GALNTL6: variants seen among roughly 807,000 people sequenced by gnomAD.
GALNTL6 encodes polypeptide N-acetylgalactosaminyltransferase like 6, also known as polypeptide N-acetylgalactosaminyltransferase-like 6.
In GALNTL6, 46 loss-of-function variants were observed where a neutral mutation model predicts 73.7. The observed-to-expected ratio is 0.62, with a 90% confidence interval of 0.49 to 0.80. The LOEUF (loss-of-function observed/expected upper bound fraction) is 0.80, where lower values mean the gene tolerates loss of function less well. GALNTL6 is among the 30% of genes least tolerant of loss of function. GALNTL6 has a pLI of 0.00. For missense variants in GALNTL6, 604 were observed against 755.0 expected, an observed-to-expected ratio of 0.80 and a Z score of 2.34; for synonymous variants, 259 against 263.7, an observed-to-expected ratio of 0.98 and a Z score of 0.17.
chr4:172,838,090 G>A (rs1743009463), intron 7 of GALNTL6, among the ~76,000 whole-genome samples: 1 of 151,902 alleles, frequency 6.6e-6, no homozygotes, highest in Admixed American at 6.6e-5. Context: ...GCACAGCATG[G>A]AAACATGATT....
intron 3 of GALNTL6, among the ~76,000 whole-genome samples, chr4:172,277,640 A>G (rs1348581053): frequency 1.3e-5 from 2 of 152,142 alleles, no homozygotes; most frequent in African/African-American, 4.8e-5. Flanking sequence ...CTCTTTGCAT[A>G]ATTTTCCACA....
At chr4:172,961,576 G>A (rs1408650280) in intron 10 of GALNTL6, among the ~76,000 whole-genome samples, 7 of 152,300 alleles carry the variant, frequency 4.6e-5, no homozygotes, top group East Asian at 3.9e-4. Flanking sequence ...GTCCGTGACC[G>A]GCACCAGAGT....
At chr4:171,955,488 T>A (rs976063067) in intron 2 of GALNTL6, among the ~76,000 whole-genome samples, 1 of 152,034 alleles carries the variant, frequency 6.6e-6, no homozygotes, top group African/African-American at 2.4e-5. Flanking sequence ...AATCTAAGGA[T>A]GCTGAAGTTC....
At chr4:172,977,752 G>A (rs999156315) in intron 10 of GALNTL6, among the ~76,000 whole-genome samples, 1 of 152,122 alleles carries the variant, frequency 6.6e-6, no homozygotes, top group African/African-American at 2.4e-5. Flanking sequence ...TGTTCTGGGT[G>A]GTCCTCTGGG....
rs148299883 is a variant in GALNTL6, at chr4:172,193,875, A to G, written c.139-35781A>G. ...AACTCCATCTCAAAAAAAGAAAAGA[A>G]AAGAGAAATAATCAACAAAAAAATG... is the stretch of plus-strand genomic sequence containing the variant. On this transcript the variant is annotated intron_variant, in intron 2 of 12. Transcript: ENST00000506823. Among the ~76,000 whole-genome samples the G allele has an allele frequency of 2.2e-3, 329 of 152,204 alleles. 3 individuals carry two copies. The highest frequency in any genetic ancestry group is 5.1e-4 in the Non-Finnish European group (35 of 67,986).
chr4:172,634,866 C>T (rs1739590559), intron 5 of GALNTL6, among the ~76,000 whole-genome samples: 1 of 151,970 alleles, frequency 6.6e-6, no homozygotes, highest in South Asian at 2.1e-4. Flanking sequence ...TAATACAATG[C>T]AATAACAGAG....
chr4:172,500,757 C>T (rs183385016), intron 5 of GALNTL6, among the ~76,000 whole-genome samples: 93 of 151,620 alleles, frequency 6.1e-4, no homozygotes, highest in African/African-American at 1.9e-3. Context: ...GAAAAAAGTA[C>T]ATCTGCATGA....
intron 2 of GALNTL6, among the ~76,000 whole-genome samples, chr4:172,105,470 T>A (rs1468430729): frequency 6.6e-6 from 1 of 151,622 alleles, no homozygotes; most frequent in Admixed American, 6.6e-5. Context: ...TTATAGAAAC[T>A]GATACGCTCT....
intron 2 of GALNTL6, among the ~76,000 whole-genome samples, chr4:172,031,428 T>G (rs2110821061): frequency 6.6e-6 from 1 of 152,198 alleles, no homozygotes; most frequent in Admixed American, 6.6e-5. Context: ...CTTAAAAAAT[T>G]TATTGTCAAT....
intron 7 of GALNTL6, among the ~76,000 whole-genome samples, chr4:172,821,697 A>T (rs1741938837): frequency 6.6e-6 from 1 of 151,770 alleles, no homozygotes; most frequent in Admixed American, 6.6e-5. Flanking sequence ...CAAACTTTTA[A>T]ATGGTGTCCT....
intron 5 of GALNTL6, among the ~76,000 whole-genome samples, chr4:172,440,011 G>A (rs1229345399): frequency 6.6e-6 from 1 of 152,030 alleles, no homozygotes; most frequent in Non-Finnish European, 1.5e-5. Context: ...CCAAATGCTG[G>A]TAAGGATGTG....
intron 7 of GALNTL6, among the ~76,000 whole-genome samples, chr4:172,880,017 G>A (rs933838681): frequency 2.6e-5 from 4 of 152,042 alleles, no homozygotes; most frequent in African/African-American, 9.7e-5. Flanking sequence ...ACAAGTGTTG[G>A]TGAGGACATG....
chr4:173,040,140 A>G lies in GALNTL6; in HGVS notation c.*40A>G. The G allele has an allele frequency of 6.7e-7, 1 of 1,488,256 alleles. No homozygotes were observed. Among genetic ancestry groups the G allele is most frequent in the Non-Finnish European group, 9.2e-7 (1 of 1,087,232 alleles). 92.2% of individuals were successfully genotyped at this position (1,488,256 alleles called of 1,614,324 possible). On this transcript the variant is annotated 3_prime_UTR_variant, in exon 13 of 13. Coordinates refer to ENST00000506823, the MANE Select transcript of GALNTL6 (RefSeq NM_001034845.3). The stretch of plus-strand genomic sequence containing the variant: ...GAAAGAGTGATTACCTACAGGTTAT[A>G]AATTAAATTTTAGCCAGCATCTGGG...
chr4:172,585,853 T>A (rs1371130146), intron 5 of GALNTL6, among the ~76,000 whole-genome samples: 1 of 151,972 alleles, frequency 6.6e-6, no homozygotes, highest in Non-Finnish European at 1.5e-5. Context: ...GCAAAAGATA[T>A]GAACAGACAC....
At position 171,853,152 on chromosome 4, in the gene GALNTL6, C is replaced by A. The variant is rs550125022; in HGVS notation, c.138+38434C>A. On this transcript the variant is annotated intron_variant, in intron 2 of 12. Coordinates refer to ENST00000506823, the MANE Select transcript of GALNTL6 (RefSeq NM_001034845.3). Reference sequence around the variant, plus strand: ...TGCTGGGATTACAGGCGTGAGCCACCGCGCCCAGCCAGATGTAGGAGGTTA... The same window carrying A: ...TGCTGGGATTACAGGCGTGAGCCACAGCGCCCAGCCAGATGTAGGAGGTTA... 5.9e-5 allele frequency among the ~76,000 whole-genome samples: 9 copies of A among 151,888 alleles called. No individual in the cohort carries two copies. In the South Asian group the frequency reaches 1.9e-3, roughly 32 times the overall value.
At chr4:172,590,531 A>G (rs1737594327) in intron 5 of GALNTL6, among the ~76,000 whole-genome samples, 1 of 152,168 alleles carries the variant, frequency 6.6e-6, no homozygotes, top group South Asian at 2.1e-4. Context: ...ATCTTTGTCC[A>G]TAAATAAACC....
chr4:171,987,487 A>G (rs1003696145), intron 2 of GALNTL6, among the ~76,000 whole-genome samples: 1 of 152,266 alleles, frequency 6.6e-6, no homozygotes, highest in Middle Eastern at 3.4e-3. Context: ...GAAAGTGTCT[A>G]CCCAGACTAA....
At chr4:172,048,402 G>T (rs1742278553) in intron 2 of GALNTL6, among the ~76,000 whole-genome samples, 1 of 152,042 alleles carries the variant, frequency 6.6e-6, no homozygotes, top group African/African-American at 2.4e-5. Context: ...TACTATTCCT[G>T]CATCTCTGAA....
chr4:171,958,714 G>T (rs1049537589), intron 2 of GALNTL6, among the ~76,000 whole-genome samples: 2 of 151,954 alleles, frequency 1.3e-5, no homozygotes, highest in African/African-American at 2.4e-5. Flanking sequence ...TCCTCTTTGT[G>T]ATTGAAAAAT....
Sources: allele counts gnomAD v4.1 joint callset (sites outside exome capture counted in the v4.1 genomes callset), GRCh38; gene constraint gnomAD v4.1.1; transcripts MANE v1.5; gene names NCBI Gene and HGNC (gene_info 2026-07-23, HGNC 2026-07-21).